The following EYS variants were observed in gnomAD, a reference collection of about 807,000 sequenced individuals.
EYS encodes protein eyes shut homolog.
A neutral mutation model predicts 282.1 loss-of-function variants in EYS; 250 were observed. The observed-to-expected ratio is 0.89, with a 90% confidence interval of 0.80 to 0.98. The LOEUF (loss-of-function observed/expected upper bound fraction) is 0.98. Among genes scored for constraint, EYS ranks in the 50% least tolerant of loss-of-function variants. The pLI is 0.00. For synonymous variants in EYS, 1,355 were observed against 1,282.9 expected (o/e 1.06, Z -1.20); for missense variants, 4,016 against 3,709.0 (o/e 1.08, Z -2.15).
chr6:63,869,603 T>C (rs1313721416), intron 35 of EYS, among the ~76,000 whole-genome samples: 2 of 152,142 alleles, frequency 1.3e-5, no homozygotes, highest in African/African-American at 2.4e-5. Flanking sequence ...GGAGCTAACA[T>C]AGTAAACATG....
intron 24 of EYS, among the ~76,000 whole-genome samples, chr6:64,598,392 C>T (rs1290850292): frequency 6.6e-6 from 1 of 152,140 alleles, no homozygotes; most frequent in Non-Finnish European, 1.5e-5. Context: ...ACCTGCGAGG[C>T]GGAGCTTGCA....
At chr6:63,942,076 GT>G (rs1383351388) in intron 35 of EYS, among the ~76,000 whole-genome samples, 2 of 152,144 alleles carry the variant, frequency 1.3e-5, no homozygotes, top group Non-Finnish European at 2.9e-5. Context: ...AAAACATGAT[GT>G]CTCTAATTCA....
chr6:65,534,161 G>A (rs1027127745), intron 2 of EYS, among the ~76,000 whole-genome samples: 10 of 152,142 alleles, frequency 6.6e-5, no homozygotes, highest in African/African-American at 2.4e-4. Context: ...GGCAATTGAG[G>A]TTCCTAGTTC....
intron 18 of EYS, among the ~76,000 whole-genome samples, chr6:64,892,746 T>C (rs1299122054): frequency 6.6e-6 from 1 of 152,108 alleles, no homozygotes; most frequent in Non-Finnish European, 1.5e-5. Flanking sequence ...TGGGTGTGAA[T>C]CTGATTTGAA....
chr6:65,221,843 C>T (rs1442561170), intron 12 of EYS, among the ~76,000 whole-genome samples: 2 of 152,148 alleles, frequency 1.3e-5, no homozygotes, highest in East Asian at 1.9e-4. Flanking sequence ...GGCAGAGCTG[C>T]CTGAGGCCAT....
At chr6:64,135,484 T>C (rs1435719610) in intron 31 of EYS, among the ~76,000 whole-genome samples, 2 of 151,968 alleles carry the variant, frequency 1.3e-5, no homozygotes, top group Non-Finnish European at 2.9e-5. Flanking sequence ...GGGGATATTT[T>C]AAAATAAATA....
At chr6:64,276,130 T>C (rs1450093347) in intron 30 of EYS, among the ~76,000 whole-genome samples, 1 of 152,184 alleles carries the variant, frequency 6.6e-6, no homozygotes, top group African/African-American at 2.4e-5. Context: ...GTTTGGTCTT[T>C]AGATACCCCT....
chr6:64,595,354 A>G (rs2149834745), intron 24 of EYS, among the ~76,000 whole-genome samples: 1 of 152,220 alleles, frequency 6.6e-6, no homozygotes, highest in South Asian at 2.1e-4. Flanking sequence ...AAAAGCTGAA[A>G]CCCTTTCCTC....
At chr6:63,991,538 G>A (rs1026801645) in intron 34 of EYS, among the ~76,000 whole-genome samples, 1 of 151,556 alleles carries the variant, frequency 6.6e-6, no homozygotes, top group Non-Finnish European at 1.5e-5. Flanking sequence ...AAATTTTGGA[G>A]CTGAAAACTG....
At chr6:65,594,614 G>C (rs1204065685) in intron 2 of EYS, among the ~76,000 whole-genome samples, 1 of 151,996 alleles carries the variant, frequency 6.6e-6, no homozygotes, top group Admixed American at 6.6e-5. Context: ...TCTGTAGGTT[G>C]CCTGTTCATT....
At chr6:65,203,146 A>G (rs1765945127) in intron 12 of EYS, among the ~76,000 whole-genome samples, 3 of 152,218 alleles carry the variant, frequency 2.0e-5, no homozygotes, top group Middle Eastern at 6.8e-3. Flanking sequence ...CCACCACCAC[A>G]ATTACCTCTT....
chr6:64,723,271 A>G (rs893781266), intron 22 of EYS, among the ~76,000 whole-genome samples: 1 of 152,170 alleles, frequency 6.6e-6, no homozygotes, highest in Non-Finnish European at 1.5e-5. Context: ...TTACAACAGG[A>G]AAACGAGACA....
At chr6:64,265,357 G>A (rs995931903) in intron 30 of EYS, among the ~76,000 whole-genome samples, 3 of 152,164 alleles carry the variant, frequency 2.0e-5, no homozygotes, top group African/African-American at 7.2e-5. Context: ...GTATAGGCTG[G>A]TCCAACATTG....
intron 15 of EYS, among the ~76,000 whole-genome samples, chr6:64,922,004 G>A (rs547456731): frequency 3.4e-4 from 52 of 152,210 alleles, no homozygotes; most frequent in African/African-American, 1.3e-3. Flanking sequence ...ATATAAGGCT[G>A]GGCCAATTTT....
intron 2 of EYS, among the ~76,000 whole-genome samples, chr6:65,619,268 C>A (rs1319299061): frequency 5.9e-5 from 9 of 151,416 alleles, no homozygotes; most frequent in African/African-American, 2.2e-4. Context: ...AGGTCCTTCA[C>A]GTCCCTTGTA....
rs7756738 is a variant in EYS at position 64,451,961 on chromosome 6, C to A, written c.5645-12609G>T. On this transcript the variant is annotated intron_variant, in intron 26 of 42. Transcript: ENST00000503581. The stretch of plus-strand genomic sequence containing the variant: ...TGAAATGTGGCACAAGACAGGGATG[C>A]CCTCTCTCACCACTCTTATTCAACA... Among the ~76,000 whole-genome samples, 1,338 of 151,778 alleles carry A rather than the reference C, an allele frequency of 8.8e-3. 17 individuals carry two copies. The highest frequency in any genetic ancestry group is 0.03 in the African/African-American group (1,252 of 41,380).
At chr6:64,110,190 G>T (rs369334879) in intron 31 of EYS, among the ~76,000 whole-genome samples, 17 of 152,026 alleles carry the variant, frequency 1.1e-4, no homozygotes, top group African/African-American at 3.1e-4. Flanking sequence ...TAAAAAGTAA[G>T]CATGGAGGAA....
At chr6:65,264,552 G>A (rs1242284082) in intron 12 of EYS, among the ~76,000 whole-genome samples, 2 of 151,666 alleles carry the variant, frequency 1.3e-5, no homozygotes, top group South Asian at 2.1e-4. Context: ...GGGTACTTTC[G>A]GCCATTTTAT....
At chr6:64,175,710 G>T (rs1358149246) in intron 31 of EYS, among the ~76,000 whole-genome samples, 2 of 152,116 alleles carry the variant, frequency 1.3e-5, no homozygotes, top group Non-Finnish European at 2.9e-5. Context: ...ATGAGGTAAG[G>T]CATTGTCCGG....
Sources: gnomAD v4.1 joint callset for allele counts (sites outside exome capture counted in the v4.1 genomes callset) on GRCh38, gnomAD v4.1.1 for gene constraint, MANE v1.5 for transcripts, NCBI Gene and HGNC (gene_info 2026-07-23, HGNC 2026-07-21) for gene names.